The following TSNARE1 variants were observed in gnomAD, a reference collection of about 807,000 sequenced individuals.
TSNARE1 encodes the protein t-SNARE domain containing 1.
In TSNARE1, 49 loss-of-function variants were observed where a neutral mutation model predicts 62.0. The ratio of observed to expected loss-of-function variants is 0.79; its 90% CI spans 0.63 to 1.00. The LOEUF is 1.00. Among genes scored for constraint, TSNARE1 ranks in the 50% least tolerant of loss-of-function variants. The probability of loss-of-function intolerance (pLI) is 0.00; values close to 1 mark genes in which losing one functional copy is unlikely to be tolerated. For missense variants in TSNARE1, 755 were observed against 700.1 expected, an observed-to-expected ratio of 1.08 and a Z score of -0.88; for synonymous variants, 328 against 294.4, an observed-to-expected ratio of 1.11 and a Z score of -1.17.
chr8:142,278,865 C>T lies in TSNARE1; in HGVS notation c.1364-4002G>A, dbSNP rs141547595. On this transcript the variant is annotated intron_variant, in intron 11 of 13. Coordinates refer to ENST00000524325, the MANE Select transcript of TSNARE1 (RefSeq NM_145003.5). The stretch of plus-strand genomic sequence containing the variant: ...CACTGCAGGCCAGAGTGAGGCACAG[C>T]GTGGGGCGGGGAAGAGTCAAGCTGG... 1.1e-3 allele frequency: 1,002 copies of T among 930,942 alleles called. 1 individual carries two copies. Among genetic ancestry groups the T allele is most frequent in the South Asian group, 7.4e-3 (150 of 20,280 alleles). The allele number at this position is 930,942 out of a possible 1,614,324, so 57.7% of individuals were successfully genotyped here.
chr8:142,387,655 T>C (rs979136492), intron 1 of TSNARE1, among the ~76,000 whole-genome samples: 10 of 152,000 alleles, frequency 6.6e-5, no homozygotes, highest in Non-Finnish European at 7.4e-5. Flanking sequence ...CAGGATGAAA[T>C]TGATAATCAT....
rs924566880 is a variant in TSNARE1, at chr8:142,259,992, G to A, written c.1446+14789C>T. On this transcript the variant is annotated intron_variant, in intron 12 of 13. Coordinates refer to ENST00000524325, the MANE Select transcript of TSNARE1 (RefSeq NM_145003.5). ...GGCCCCACCCTGCCCAGGTGCCCTC[G>A]GGCCGCAGAGGCCCAGGACTCACCC... is the stretch of plus-strand genomic sequence containing the variant. Among the ~76,000 whole-genome samples, 13 of 151,964 alleles carry A rather than the reference G, an allele frequency of 8.6e-5. No individual in the cohort carries two copies. In the East Asian group the frequency reaches 1.8e-3, roughly 21 times the overall value.
At chr8:142,295,547 C>CA (rs1563849686) in intron 10 of TSNARE1, among the ~76,000 whole-genome samples, 1 of 152,224 alleles carries the variant, frequency 6.6e-6, no homozygotes, top group Non-Finnish European at 1.5e-5. Flanking sequence ...GGCTGCCCTG[C>CA]GGCCAGTGAA....
chr8:142,392,110 G>A (rs556139582), intron 1 of TSNARE1, among the ~76,000 whole-genome samples: 30 of 152,190 alleles, frequency 2.0e-4, no homozygotes, highest in South Asian at 1.2e-3. Context: ...TGCAACCTCC[G>A]TCTCCCAGGT....
chr8:142,373,104 CTG>C (rs1448577817), intron 1 of TSNARE1, among the ~76,000 whole-genome samples: 2 of 151,700 alleles, frequency 1.3e-5, no homozygotes, highest in Non-Finnish European at 3.0e-5. Flanking sequence ...CGGACTGTGT[CTG>C]TGTCTCCCTC....
chr8:142,291,095 C>T lies in TSNARE1; in HGVS notation c.1291-6610G>A, dbSNP rs577198272. On this transcript the variant is annotated intron_variant, in intron 10 of 13. Transcript: ENST00000524325. The surrounding 1 kb of genome is among the most constrained non-coding windows in gnomAD (Gnocchi z 4.8). Reference sequence around the variant, plus strand: ...GGGAGATGAATTGCTGCTCGCCACCCGCTGCTCAGGACTGGTGTCCTCAGC... The same window carrying T: ...GGGAGATGAATTGCTGCTCGCCACCTGCTGCTCAGGACTGGTGTCCTCAGC... Among the ~76,000 whole-genome samples the T allele has an allele frequency of 8.9e-4, 135 of 152,202 alleles. No individual in the cohort carries two copies. Among genetic ancestry groups the T allele is most frequent in the African/African-American group, 3.0e-3 (126 of 41,530 alleles).
rs1818786607 is a variant in TSNARE1 at position 142,260,202 on chromosome 8, C to A, written c.1446+14579G>T. On this transcript the variant is annotated intron_variant, in intron 12 of 13. Transcript: ENST00000524325. Reference sequence around the variant, plus strand: ...CTCAGAAAAGCGTGCAACGTCTTACCCTGGGGCAGGCCCCTAATTTTACAG... The same window carrying A: ...CTCAGAAAAGCGTGCAACGTCTTACACTGGGGCAGGCCCCTAATTTTACAG... Among the ~76,000 whole-genome samples the A allele has an allele frequency of 2.0e-5, 3 of 152,136 alleles. No individual in the cohort carries two copies. The South Asian group carries it at 6.2e-4, about 32-fold the overall frequency.
chr8:142,305,074 C>T (rs982987575), intron 9 of TSNARE1, among the ~76,000 whole-genome samples: 1 of 152,202 alleles, frequency 6.6e-6, no homozygotes, highest in African/African-American at 2.4e-5. Flanking sequence ...CAAACAGCCA[C>T]AGGCGAGGGG....
At chr8:142,356,373 G>A (rs752021289) in intron 1 of TSNARE1, among the ~76,000 whole-genome samples, 1 of 152,222 alleles carries the variant, frequency 6.6e-6, no homozygotes, top group Non-Finnish European at 1.5e-5. Flanking sequence ...TGCCTGGAAT[G>A]GGGAGGTGGG....
chr8:142,313,046 CTGTGTT>C (rs1827849202), intron 9 of TSNARE1, among the ~76,000 whole-genome samples: 1 of 152,084 alleles, frequency 6.6e-6, no homozygotes, highest in African/African-American at 2.4e-5. Context: ...GTCTACATGT[CTGTGTT>C]TATCTGCATG....
At chr8:142,387,834 G>C (rs1837212135) in intron 1 of TSNARE1, among the ~76,000 whole-genome samples, 1 of 152,160 alleles carries the variant, frequency 6.6e-6, no homozygotes, top group Admixed American at 6.5e-5. Flanking sequence ...ACTCTTTAGA[G>C]ACCAGGCAAT....
At chr8:142,278,518 C>A (rs559715361) in intron 11 of TSNARE1, 2 of 985,278 alleles carry the variant, frequency 2.0e-6, no homozygotes, top group African/African-American at 1.7e-5. Flanking sequence ...CCACCATATG[C>A]GGAGGACGGC....
At chr8:142,269,706 C>T in intron 12 of TSNARE1, 3 of 985,338 alleles carry the variant, frequency 3.0e-6, no homozygotes, top group Non-Finnish European at 2.4e-6. Flanking sequence ...GGACTGAGGT[C>T]ATCTGGTTTG....
intron 7 of TSNARE1, among the ~76,000 whole-genome samples, chr8:142,317,901 T>A (rs933621360): frequency 3.9e-5 from 6 of 152,100 alleles, no homozygotes; most frequent in Non-Finnish European, 8.8e-5. Context: ...GAAGCTGCAG[T>A]GAGCCAAGAT....
chr8:142,297,876 C>T (rs1251054820), intron 10 of TSNARE1, among the ~76,000 whole-genome samples: 29 of 152,206 alleles, frequency 1.9e-4, no homozygotes, highest in Non-Finnish European at 1.5e-4. Context: ...TGTACAGACG[C>T]CTTCCAAGAA....
At chr8:142,344,965 G>A (rs563380662) in intron 3 of TSNARE1, among the ~76,000 whole-genome samples, 3 of 152,308 alleles carry the variant, frequency 2.0e-5, no homozygotes, top group East Asian at 3.9e-4. Context: ...TCCCACACTT[G>A]GGCCAGGGCC....
intron 11 of TSNARE1, chr8:142,276,870 C>T (rs1247586088): frequency 1.0e-6 from 1 of 985,334 alleles, no homozygotes; most frequent in African/African-American, 1.7e-5. Flanking sequence ...CAAGACACCT[C>T]ACACAACCAC....
At chr8:142,214,613 A>G (rs1586736433) in intron 13 of TSNARE1, among the ~76,000 whole-genome samples, 1 of 151,400 alleles carries the variant, frequency 6.6e-6, no homozygotes, top group Non-Finnish European at 1.5e-5. Flanking sequence ...TAAAATCACA[A>G]CCAGCCTCAT....
intron 2 of TSNARE1, among the ~76,000 whole-genome samples, chr8:142,346,144 C>T (rs779718840): frequency 9.2e-5 from 14 of 152,226 alleles, no homozygotes; most frequent in Non-Finnish European, 1.9e-4. Flanking sequence ...TGCAAACTAG[C>T]AAACAACCCC....
Sources: allele counts gnomAD v4.1 joint callset (sites outside exome capture counted in the v4.1 genomes callset), GRCh38; gene constraint gnomAD v4.1.1; non-coding constraint Gnocchi (gnomAD v3.1); transcripts MANE v1.5; gene names NCBI Gene and HGNC (gene_info 2026-07-23, HGNC 2026-07-21).